Variants in RET observed in about 807,000 individuals in gnomAD.
The protein encoded by RET is ret proto-oncogene.
RET carries 19 observed loss-of-function variants against 118.3 expected under a neutral mutation model. That is an observed-to-expected ratio of 0.16 (90% CI 0.11 to 0.24). The LOEUF is 0.24. RET is among the 10% of genes least tolerant of loss of function. The probability of loss-of-function intolerance (pLI) is 1.00; values close to 1 mark genes in which losing one functional copy is unlikely to be tolerated. For missense variants in RET, 1,219 were observed against 1,502.1 expected (o/e 0.81, Z 3.12); for synonymous variants, 597 against 644.1 (o/e 0.93, Z 1.11).
chr10:43,107,040 C>T (rs753547916), intron 5 of RET, among the ~76,000 whole-genome samples: 1 of 152,262 alleles, frequency 6.6e-6, no homozygotes, highest in African/African-American at 2.4e-5. Flanking sequence ...TCCTGCCTGA[C>T]TGCTGACATG....
At chr10:43,094,048 C>T (rs1362570094) in intron 1 of RET, among the ~76,000 whole-genome samples, 2 of 124,438 alleles carry the variant, frequency 1.6e-5, no homozygotes. Flanking sequence ...AAATATTTGA[C>T]TATAGTAAGA....
chr10:43,114,879 C>T lies in RET; in HGVS notation c.2136+143C>T, dbSNP rs1384612813. 6 of 893,598 alleles carry T rather than the reference C, an allele frequency of 6.7e-6. No homozygotes were observed. The highest frequency in any genetic ancestry group is 8.3e-6 in the Non-Finnish European group (5 of 601,226). 55.4% of individuals were successfully genotyped at this position (893,598 alleles called of 1,614,324 possible). A position where few individuals can be genotyped will look rare whatever the true frequency, so the allele number is the denominator to read the frequency against. ...GAGGCCTGTGTTCTGCCCCCATTTC[C>T]ATAGGGCGCTGTGTGGGGACAGTCT... On this transcript the variant is annotated intron_variant, in intron 11 of 19. Coordinates refer to ENST00000355710, the MANE Select transcript of RET (RefSeq NM_020975.6). The surrounding 1 kb of genome is among the most constrained non-coding windows in gnomAD (Gnocchi z 4.6).
intron 6 of RET, 40 bp from the exon 7 acceptor site, chr10:43,111,167 T>C (rs1588870930): frequency 5.0e-6 from 8 of 1,611,220 alleles, no homozygotes; most frequent in Non-Finnish European, 6.8e-6. Flanking sequence ...TACAGGCCGG[T>C]CCAGCTGCCT....
chr10:43,114,827 G>A lies in RET; in HGVS notation c.2136+91G>A, dbSNP rs1838034751. On this transcript the variant is annotated intron_variant, in intron 11 of 19. Transcript: ENST00000355710. The surrounding 1 kb of genome is among the most constrained non-coding windows in gnomAD (Gnocchi z 4.6). ...CAGCTGGGGAGACAGAGGCCATCCT[G>A]TGAGGGGCTGCCAACGCTGGGCAGA... The A allele has an allele frequency of 7.2e-7, 1 of 1,386,546 alleles. No individual in the cohort carries two copies. The highest frequency in any genetic ancestry group is 9.7e-7 in the Non-Finnish European group (1 of 1,030,074). 85.9% of individuals were successfully genotyped at this position (1,386,546 alleles called of 1,614,324 possible).
At chr10:43,084,742 C>G (rs962633834) in intron 1 of RET, among the ~76,000 whole-genome samples, 22 of 152,130 alleles carry the variant, frequency 1.4e-4, no homozygotes, top group Non-Finnish European at 7.3e-5. Flanking sequence ...AGGACATTCT[C>G]GGAAGACCTG....
At position 43,106,288 on chromosome 10, in the gene RET, G is replaced by T; in HGVS notation, c.868-88G>T. 2 of 1,273,212 alleles carry T rather than the reference G, an allele frequency of 1.6e-6. No homozygotes were observed. Among genetic ancestry groups the T allele is most frequent in the South Asian group, 1.2e-5 (1 of 80,848 alleles). 78.9% of individuals were successfully genotyped at this position (1,273,212 alleles called of 1,614,324 possible). ...ATCTGGTCCACCTATGGGCTGTGTG[G>T]GACGTGCAGCATTCTAAGGTCTCTG... On this transcript the variant is annotated intron_variant, in intron 4 of 19. Transcript: ENST00000355710. The surrounding 1 kb of genome is among the most constrained non-coding windows in gnomAD (Gnocchi z 5.1).
intron 17 of RET, among the ~76,000 whole-genome samples, chr10:43,124,527 G>A (rs1053342382): frequency 2.6e-5 from 4 of 152,208 alleles, no homozygotes; most frequent in African/African-American, 9.7e-5. Context: ...GAGTTTTAAG[G>A]ACTGGCACTT....
intron 1 of RET, among the ~76,000 whole-genome samples, chr10:43,079,997 G>A (rs1897002): frequency 0.096 from 14,599 of 152,218 alleles, 787 homozygotes; most frequent in East Asian, 0.22. Flanking sequence ...CTGGTGGGCT[G>A]TGCCTGCTGG....
At chr10:43,081,426 G>A (rs1210198441) in intron 1 of RET, among the ~76,000 whole-genome samples, 1 of 152,230 alleles carries the variant, frequency 6.6e-6, no homozygotes, top group African/African-American at 2.4e-5. Flanking sequence ...CTGTCTCATG[G>A]CAGGGAGAGA....
At chr10:43,123,629 G>A (rs1436675007) in intron 16 of RET, 42 bp from the exon 17 acceptor site, 2 of 1,613,674 alleles carry the variant, frequency 1.2e-6, no homozygotes, top group South Asian at 1.1e-5. Flanking sequence ...GGCTCTGTGA[G>A]GGCCAGGTGG....
At chr10:43,090,348 C>G (rs548809628) in intron 1 of RET, among the ~76,000 whole-genome samples, 1 of 152,282 alleles carries the variant, frequency 6.6e-6, no homozygotes, top group East Asian at 1.9e-4. Context: ...AGTGGCTGCC[C>G]GGGAGCCTCT....
rs1837929104 is a variant in RET, at chr10:43,111,547, T to G, written c.1522+82T>G. 2.0e-6 allele frequency: 3 copies of G among 1,472,500 alleles called. No homozygotes were observed. The African/African-American group carries it at 4.2e-5, about 20-fold the overall frequency. The allele number at this position is 1,472,500 out of a possible 1,614,324, so 91.2% of individuals were successfully genotyped here. A position where few individuals can be genotyped will look rare whatever the true frequency, so the allele number is the denominator to read the frequency against. On this transcript the variant is annotated intron_variant, in intron 7 of 19. Coordinates refer to ENST00000355710, the MANE Select transcript of RET (RefSeq NM_020975.6). ...GCCTCCTGCCCTTTGAGAAAAGCAGTACAGCTGCAAGGCTTAGCTGGGGAG... is the reference window on the plus strand; with the variant it reads ...GCCTCCTGCCCTTTGAGAAAAGCAGGACAGCTGCAAGGCTTAGCTGGGGAG...
rs574584445 is a variant in RET at position 43,116,884 on chromosome 10, C to T, written c.2284+153C>T. Among the ~76,000 whole-genome samples, 23 of 152,348 alleles carry T rather than the reference C, an allele frequency of 1.5e-4. No homozygotes were observed. The South Asian group carries it at 3.3e-3, about 22-fold the overall frequency. On this transcript the variant is annotated intron_variant, in intron 12 of 19. Coordinates refer to ENST00000355710, the MANE Select transcript of RET (RefSeq NM_020975.6). ...GGACCCCTACCATGGGCCACTTGGGCCTAGAGAAGCAGAGCGAGGACTTTG... is the reference window on the plus strand; with the variant it reads ...GGACCCCTACCATGGGCCACTTGGGTCTAGAGAAGCAGAGCGAGGACTTTG...
At chr10:43,088,243 A>T (rs551280895) in intron 1 of RET, among the ~76,000 whole-genome samples, 1 of 137,184 alleles carries the variant, frequency 7.3e-6, no homozygotes, top group African/African-American at 2.8e-5. Flanking sequence ...GGTGGTGGTG[A>T]TGGTGGTGGT....
At position 43,129,113 on chromosome 10, in the gene RET, T is replaced by G; in HGVS notation, c.*844T>G. ...AAAGGGGGCTGTTGGAGTCCCAGAA[T>G]TGCTGACAGCAGAGGCTTTGCTGCT... On this transcript the variant is annotated 3_prime_UTR_variant, in exon 20 of 20. Coordinates refer to ENST00000355710, the MANE Select transcript of RET (RefSeq NM_020975.6). The G allele has an allele frequency of 4.3e-6, 1 of 233,506 alleles. No homozygotes were observed. The highest frequency in any genetic ancestry group is 8.5e-6 in the Non-Finnish European group (1 of 118,148). 14.5% of individuals were successfully genotyped at this position (233,506 alleles called of 1,614,324 possible).
At chr10:43,122,406 GC>G (rs2132992116) in intron 16 of RET, among the ~76,000 whole-genome samples, 1 of 152,238 alleles carries the variant, frequency 6.6e-6, no homozygotes, top group East Asian at 1.9e-4. Flanking sequence ...CCAGTGACTT[GC>G]CCCCACCCAC....
intron 3 of RET, among the ~76,000 whole-genome samples, chr10:43,103,403 G>A (rs1837685285): frequency 6.6e-6 from 1 of 152,142 alleles, no homozygotes; most frequent in African/African-American, 2.4e-5. Flanking sequence ...GGATACGGGT[G>A]GAAGCCGAGG....
chr10:43,081,636 G>A (rs1363795771), intron 1 of RET, among the ~76,000 whole-genome samples: 1 of 152,170 alleles, frequency 6.6e-6, no homozygotes, highest in East Asian at 1.9e-4. Context: ...GGGTAGGGGA[G>A]CACCCCATGG....
rs954377190 is a variant in RET, at chr10:43,085,827, A to G, written c.73+8496A>G. Among the ~76,000 whole-genome samples the G allele has an allele frequency of 9.9e-5, 15 of 152,264 alleles. No individual in the cohort carries two copies. The East Asian group carries it at 2.9e-3, about 29-fold the overall frequency. On this transcript the variant is annotated intron_variant, in intron 1 of 19. Coordinates refer to ENST00000355710, the MANE Select transcript of RET (RefSeq NM_020975.6). The stretch of plus-strand genomic sequence containing the variant: ...AGGTCTTTGCTCCCAGGACCTGGAT[A>G]ACAGCATCCAGATGCAGGTGGTGCC...
Sources: gnomAD v4.1 joint callset for allele counts (sites outside exome capture counted in the v4.1 genomes callset) on GRCh38, gnomAD v4.1.1 for gene constraint, Gnocchi (gnomAD v3.1) non-coding constraint, MANE v1.5 for transcripts, NCBI Gene and HGNC (gene_info 2026-07-23, HGNC 2026-07-21) for gene names.